Variants in SULF1 observed in about 807,000 individuals in gnomAD.
The protein encoded by SULF1 is sulfatase 1, also known as extracellular sulfatase Sulf-1.
A neutral mutation model predicts 110.5 loss-of-function variants in SULF1; 46 were observed. The ratio of observed to expected loss-of-function variants is 0.42; its 90% confidence interval spans 0.33 to 0.53. SULF1 has a LOEUF of 0.53. Ranked by LOEUF, SULF1 falls within the 20% of genes least tolerant of loss-of-function variation. The pLI is 0.12. For missense variants in SULF1, 941 were observed against 1,094.2 expected (o/e 0.86, Z 1.98); for synonymous variants, 371 against 387.1 (o/e 0.96, Z 0.49).
chr8:69,487,194 G>A (rs987574872), intron 1 of SULF1, among the ~76,000 whole-genome samples: 9 of 152,104 alleles, frequency 5.9e-5, no homozygotes, highest in African/African-American at 1.4e-4. Context: ...GATTACTTCC[G>A]TTCTAAGTAC....
chr8:69,563,123 G>A (rs1213689967), intron 3 of SULF1: 2 of 152,430 alleles, frequency 1.3e-5, no homozygotes, highest in Non-Finnish European at 2.9e-5. Flanking sequence ...CTGCTTGCTA[G>A]GTACTCAGTA....
Position 69,660,194 on chromosome 8 carries a change from T to C in SULF1, c.*1659T>C, listed in dbSNP as rs1813017671. The C allele has an allele frequency of 6.6e-6, 1 of 152,218 alleles. No homozygotes were observed. The highest frequency in any genetic ancestry group is 2.1e-4 in the South Asian group (1 of 4,826). The allele number at this position is 152,218 out of a possible 1,614,324, so 9.4% of individuals were successfully genotyped here. On this transcript the variant is annotated 3_prime_UTR_variant, in exon 23 of 23. Coordinates refer to ENST00000402687, the MANE Select transcript of SULF1 (RefSeq NM_001128205.2). ...CTTTTATTTTCATCTTTTTTGGTTT[T>C]CTTGGCATGACTAAGAAGCTTAAAT...
At chr8:69,617,022 T>C (rs1377139055) in intron 13 of SULF1, among the ~76,000 whole-genome samples, 1 of 152,108 alleles carries the variant, frequency 6.6e-6, no homozygotes, top group Non-Finnish European at 1.5e-5. Flanking sequence ...TCCAGGTAGA[T>C]GGATAAGCCT....
At chr8:69,597,698 T>C (rs145059785) in intron 8 of SULF1, 1 of 152,318 alleles carries the variant, frequency 6.6e-6, no homozygotes, top group South Asian at 2.1e-4. Context: ...CAGTTCCCTA[T>C]TGTAATTTTT....
intron 3 of SULF1, among the ~76,000 whole-genome samples, chr8:69,549,943 C>T (rs1814573521): frequency 6.6e-6 from 1 of 151,892 alleles, no homozygotes; most frequent in South Asian, 2.1e-4. Flanking sequence ...TGAGGGTTCC[C>T]CTTCTGTTTG....
intron 3 of SULF1, among the ~76,000 whole-genome samples, chr8:69,525,846 A>C (rs1030472437): frequency 1.3e-5 from 2 of 152,124 alleles, no homozygotes; most frequent in African/African-American, 4.8e-5. Flanking sequence ...CGAAGTTGTG[A>C]CTGCAAGTGA....
chr8:69,529,789 A>C (rs746193699), intron 3 of SULF1, among the ~76,000 whole-genome samples: 1 of 152,184 alleles, frequency 6.6e-6, no homozygotes, highest in Non-Finnish European at 1.5e-5. Flanking sequence ...ATGCATGGAA[A>C]CTGAGAGCAG....
chr8:69,601,189 A>G (rs1172402841), intron 9 of SULF1, among the ~76,000 whole-genome samples: 1 of 152,242 alleles, frequency 6.6e-6, no homozygotes, highest in Non-Finnish European at 1.5e-5. Context: ...CAGAAACACA[A>G]AAAATTTTAT....
chr8:69,527,047 G>A, intron 3 of SULF1, among the ~76,000 whole-genome samples: 1 of 152,160 alleles, frequency 6.6e-6, no homozygotes, highest in Non-Finnish European at 1.5e-5. Context: ...AAATGTCGGT[G>A]TGAACAGTTC....
chr8:69,508,209 G>A (rs1244192918), intron 3 of SULF1, among the ~76,000 whole-genome samples: 6 of 151,890 alleles, frequency 4.0e-5, no homozygotes, highest in African/African-American at 1.2e-4. Context: ...GGGTTCAAGC[G>A]ATTCTCCTGC....
At chr8:69,593,562 C>T (rs1022770232) in intron 8 of SULF1, among the ~76,000 whole-genome samples, 12 of 152,254 alleles carry the variant, frequency 7.9e-5, no homozygotes, top group East Asian at 1.9e-4. Context: ...AGGTGTTTGC[C>T]GTTCCCAACA....
chr8:69,603,344 G>A (rs1426126131), intron 11 of SULF1, 24 bp downstream of exon 11: 1 of 1,613,552 alleles, frequency 6.2e-7, no homozygotes, highest in Non-Finnish European at 8.5e-7. Flanking sequence ...CCTCCTCTCA[G>A]CCAGCCCCAA....
intron 3 of SULF1, among the ~76,000 whole-genome samples, chr8:69,529,389 C>A (rs1186698127): frequency 2.0e-5 from 3 of 152,194 alleles, no homozygotes; most frequent in African/African-American, 7.2e-5. Context: ...CTAACTACGA[C>A]CTCTAACTAC....
chr8:69,553,253 T>C (rs902000773), intron 3 of SULF1, among the ~76,000 whole-genome samples: 3 of 152,256 alleles, frequency 2.0e-5, no homozygotes, highest in African/African-American at 7.2e-5. Flanking sequence ...TATGATCATT[T>C]ACATTTATCC....
chr8:69,652,422 G>A (rs1812413058), intron 22 of SULF1, among the ~76,000 whole-genome samples: 2 of 152,194 alleles, frequency 1.3e-5, no homozygotes, highest in Non-Finnish European at 2.9e-5. Flanking sequence ...TGAGTTATCT[G>A]CTCTAGAACA....
At chr8:69,564,660 T>C (rs1815738786) in intron 5 of SULF1, among the ~76,000 whole-genome samples, 1 of 152,252 alleles carries the variant, frequency 6.6e-6, no homozygotes, top group African/African-American at 2.4e-5. Flanking sequence ...CACTTACTAC[T>C]ACCTTAGATA....
chr8:69,616,706 T>G (rs890450965), intron 13 of SULF1, among the ~76,000 whole-genome samples: 4 of 149,118 alleles, frequency 2.7e-5, no homozygotes, highest in Non-Finnish European at 4.5e-5. Context: ...CCGGCCGTTT[T>G]TTTTTTTTTT....
chr8:69,481,633 A>C (rs1809525357), intron 1 of SULF1, among the ~76,000 whole-genome samples: 1 of 152,052 alleles, frequency 6.6e-6, no homozygotes, highest in African/African-American at 2.4e-5. Context: ...ACCCTATGAC[A>C]GGCCCCGGTG....
chr8:69,600,624 A>C lies in SULF1; in HGVS notation c.756A>C (p.Ala252=). The change falls in exon 9 of 23, where the codon GCA becomes GCC. Residue 252 remains alanine, a synonymous_variant. Coordinates refer to ENST00000402687, the MANE Select transcript of SULF1 (RefSeq NM_001128205.2). The stretch of plus-strand genomic sequence containing the variant: ...TCAGAACTCCTAGTTATAACTATGC[A>C]CCAAATATGGATAAACACTGGATTA... ...SQHITPSYNY[A]PNMDKHWIMQ... is the part of the protein sequence containing the mutation. 3 of 1,613,066 alleles carry C rather than the reference A, an allele frequency of 1.9e-6. No individual in the cohort carries two copies. The highest frequency in any genetic ancestry group is 2.5e-6 in the Non-Finnish European group (3 of 1,179,382).
Sources: allele counts gnomAD v4.1 joint callset (sites outside exome capture counted in the v4.1 genomes callset), GRCh38; gene constraint gnomAD v4.1.1; transcripts MANE v1.5; gene names NCBI Gene and HGNC (gene_info 2026-07-23, HGNC 2026-07-21).